The following RBFOX1 variants were observed in gnomAD, a reference collection of about 807,000 sequenced individuals.
The protein encoded by RBFOX1 is RNA binding fox-1 homolog 1, also known as RNA binding protein fox-1 homolog 1.
RBFOX1 carries 8 observed loss-of-function variants against 57.7 expected under a neutral mutation model. The observed-to-expected ratio is 0.14, with a 90% CI of 0.08 to 0.25. The LOEUF (loss-of-function observed/expected upper bound fraction) is 0.25. Ranked by LOEUF, RBFOX1 falls within the 10% of genes least tolerant of loss-of-function variation. RBFOX1 has a pLI of 1.00. For missense variants in RBFOX1, 611 were observed against 548.5 expected (o/e 1.11, Z -1.14); for synonymous variants, 326 against 222.4 (o/e 1.47, Z -4.15).
chr16:5,660,367 C>T (rs2049605135), intron 3 of RBFOX1, among the ~76,000 whole-genome samples: 2 of 152,116 alleles, frequency 1.3e-5, no homozygotes, highest in South Asian at 4.1e-4. Flanking sequence ...CTGGTAGAGT[C>T]CGGTGACTAT....
In RBFOX1 at chr16:5,471,279, T is replaced by C. The variant is rs112104578; in HGVS notation, c.258+4025T>C. On this transcript the variant is annotated intron_variant, in intron 2 of 2. Coordinates refer to the RBFOX1 transcript ENST00000585867. ...GAGGAAATGGCGTTCTGTTCCTCTTTGAAGAGAGGCTCAGGAACCAGCGTA... is the reference window on the plus strand; with the variant it reads ...GAGGAAATGGCGTTCTGTTCCTCTTCGAAGAGAGGCTCAGGAACCAGCGTA... Among the ~76,000 whole-genome samples, 1,279 of 152,350 alleles carry C rather than the reference T, an allele frequency of 8.4e-3. 18 individuals carry two copies. The highest frequency in any genetic ancestry group is 0.028 in the African/African-American group (1,170 of 41,574).
intron 2 of RBFOX1, among the ~76,000 whole-genome samples, chr16:6,332,172 T>G (rs2083120887): frequency 6.6e-6 from 1 of 152,080 alleles, no homozygotes; most frequent in African/African-American, 2.4e-5. Flanking sequence ...TCATTTAAGG[T>G]TTGAGGAAGA....
At chr16:6,406,177 C>G (rs1292775586) in intron 2 of RBFOX1, among the ~76,000 whole-genome samples, 1 of 152,234 alleles carries the variant, frequency 6.6e-6, no homozygotes, top group Non-Finnish European at 1.5e-5. Context: ...ATGCTTTTCA[C>G]TGAAACAGAA....
At chr16:5,893,655 A>C (rs565032371) in intron 4 of RBFOX1, among the ~76,000 whole-genome samples, 14 of 152,210 alleles carry the variant, frequency 9.2e-5, no homozygotes, top group Non-Finnish European at 1.8e-4. Context: ...AAAAATAAAA[A>C]ATTAGCTGGG....
At chr16:7,177,299 A>G (rs1601938556) in intron 4 of RBFOX1, among the ~76,000 whole-genome samples, 1 of 152,164 alleles carries the variant, frequency 6.6e-6, no homozygotes, top group African/African-American at 2.4e-5. Flanking sequence ...CTACAAGCAA[A>G]CAAACAAAAA....
chr16:6,822,181 G>A (rs2091423967), intron 3 of RBFOX1, among the ~76,000 whole-genome samples: 1 of 152,100 alleles, frequency 6.6e-6, no homozygotes, highest in East Asian at 1.9e-4. Context: ...ATTGTAAGAG[G>A]GGAGAATGAT....
chr16:7,163,609 T>G (rs972516047), intron 4 of RBFOX1, among the ~76,000 whole-genome samples: 1 of 152,104 alleles, frequency 6.6e-6, no homozygotes, highest in South Asian at 2.1e-4. Flanking sequence ...CAGAATAAGC[T>G]GAGGACTTTT....
intron 4 of RBFOX1, among the ~76,000 whole-genome samples, chr16:7,127,828 T>C (rs566234551): frequency 6.6e-6 from 1 of 152,332 alleles, no homozygotes; most frequent in East Asian, 1.9e-4. Context: ...GCAAAGGTCG[T>C]TTGCAAGCAT....
intron 1 of RBFOX1, among the ~76,000 whole-genome samples, chr16:6,304,736 C>G (rs544902226): frequency 4.0e-5 from 6 of 151,814 alleles, no homozygotes; most frequent in Non-Finnish European, 7.4e-5. Context: ...AATACAAAAA[C>G]TAGCCAGGTG....
At chr16:7,540,189 C>T (rs1230573477) in intron 5 of RBFOX1, among the ~76,000 whole-genome samples, 1 of 152,138 alleles carries the variant, frequency 6.6e-6, no homozygotes, top group Non-Finnish European at 1.5e-5. Flanking sequence ...TAGTGTACTC[C>T]CAAGCTTGCG....
chr16:6,539,473 TG>T (rs1385314270), intron 2 of RBFOX1, among the ~76,000 whole-genome samples: 1 of 152,158 alleles, frequency 6.6e-6, no homozygotes, highest in African/African-American at 2.4e-5. Context: ...TTACATAGTT[TG>T]GGTCTATTTG....
chr16:6,498,255 AC>A (rs66669038), intron 2 of RBFOX1, among the ~76,000 whole-genome samples: 31,995 of 140,410 alleles, frequency 0.23, 3,935 homozygotes, highest in Non-Finnish European at 0.28. Flanking sequence ...CCGTCTCAAA[AC>A]AAAAAAAAAA....
chr16:5,991,293 A>G (rs767866321), intron 4 of RBFOX1, among the ~76,000 whole-genome samples: 1 of 152,174 alleles, frequency 6.6e-6, no homozygotes, highest in Admixed American at 6.5e-5. Flanking sequence ...CCATGATTTT[A>G]ATATACGTCT....
chr16:7,169,992 G>A (rs999299249), intron 4 of RBFOX1, among the ~76,000 whole-genome samples: 2 of 152,134 alleles, frequency 1.3e-5, no homozygotes, highest in Non-Finnish European at 2.9e-5. Flanking sequence ...AGGATCACTT[G>A]AGCCTGGGGA....
chr16:6,919,124 C>T (rs989141747), intron 3 of RBFOX1, among the ~76,000 whole-genome samples: 4 of 152,056 alleles, frequency 2.6e-5, no homozygotes, highest in South Asian at 2.1e-4. Context: ...GGATTACAGG[C>T]ACCTGCCATC....
chr16:5,916,772 A>C (rs2058712476), intron 4 of RBFOX1, among the ~76,000 whole-genome samples: 1 of 152,076 alleles, frequency 6.6e-6, no homozygotes, highest in South Asian at 2.1e-4. Flanking sequence ...CTGCCGTTTT[A>C]TTAGCTTTAC....
chr16:6,855,422 C>A (rs534424293), intron 3 of RBFOX1, among the ~76,000 whole-genome samples: 20 of 151,900 alleles, frequency 1.3e-4, no homozygotes, highest in African/African-American at 4.6e-4. Context: ...GAGGGTGAGG[C>A]GGGCGGATCA....
chr16:6,015,139 G>A (rs759735414), upstream of RBFOX1, among the ~76,000 whole-genome samples: 5 of 152,124 alleles, frequency 3.3e-5, no homozygotes, highest in Non-Finnish European at 7.4e-5. Context: ...TTACAGGTAT[G>A]AGCAAGAGCC....
At chr16:6,845,092 A>G (rs2093686076) in intron 3 of RBFOX1, among the ~76,000 whole-genome samples, 1 of 152,114 alleles carries the variant, frequency 6.6e-6, no homozygotes, top group African/African-American at 2.4e-5. Context: ...CCTTTGTCAG[A>G]TGGATAGATT....
Sources: allele counts gnomAD v4.1 joint callset (sites outside exome capture counted in the v4.1 genomes callset), GRCh38; gene constraint gnomAD v4.1.1; transcripts MANE v1.5; gene names NCBI Gene and HGNC (gene_info 2026-07-23, HGNC 2026-07-21).